CDH13: variants seen among roughly 807,000 people sequenced by gnomAD.
CDH13 encodes the protein cadherin-13.
CDH13 carries 24 observed loss-of-function variants against 63.8 expected under a neutral mutation model. The ratio of observed to expected loss-of-function variants is 0.38; its 90% CI spans 0.27 to 0.53. The LOEUF (loss-of-function observed/expected upper bound fraction) is 0.53. Ranked by LOEUF, CDH13 falls within the 20% of genes least tolerant of loss-of-function variation. The pLI, the probability that CDH13 is intolerant of heterozygous loss-of-function variation, is 0.85. For synonymous variants in CDH13, 503 were observed against 355.3 expected (o/e 1.42, Z -4.67); for missense variants, 1,049 against 903.1 (o/e 1.16, Z -2.07).
chr16:83,255,102 C>T (rs1039930287), intron 5 of CDH13, among the ~76,000 whole-genome samples: 1 of 152,140 alleles, frequency 6.6e-6, no homozygotes, highest in East Asian at 1.9e-4. Context: ...AGCAGGAATG[C>T]ACAAAACCTC....
chr16:82,887,055 C>T (rs2040912471), intron 2 of CDH13, among the ~76,000 whole-genome samples: 1 of 152,164 alleles, frequency 6.6e-6, no homozygotes, highest in African/African-American at 2.4e-5. Context: ...GTAGGTTTCT[C>T]ACCCTAGAAG....
intron 3 of CDH13, among the ~76,000 whole-genome samples, chr16:83,086,328 C>T (rs757854305): frequency 3.9e-5 from 6 of 152,190 alleles, no homozygotes; most frequent in African/African-American, 1.4e-4. Context: ...AATTCCAGAT[C>T]TACCATTTAT....
intron 6 of CDH13, among the ~76,000 whole-genome samples, chr16:83,392,267 G>C (rs988454355): frequency 6.6e-6 from 1 of 152,190 alleles, no homozygotes; most frequent in Non-Finnish European, 1.5e-5. Flanking sequence ...GTGCATGGAG[G>C]AGGTTAAATA....
At chr16:82,823,832 G>A (rs2038118719) in intron 1 of CDH13, 1 of 152,180 alleles carries the variant, frequency 6.6e-6, no homozygotes, top group Middle Eastern at 3.4e-3. Flanking sequence ...CTAGAGAATT[G>A]GAAGTGGGAT....
intron 5 of CDH13, among the ~76,000 whole-genome samples, chr16:83,272,083 T>C (rs1014205195): frequency 6.6e-6 from 1 of 152,250 alleles, no homozygotes; most frequent in African/African-American, 2.4e-5. Flanking sequence ...AACCAGTGTT[T>C]GGGTGCTTCT....
intron 7 of CDH13, among the ~76,000 whole-genome samples, chr16:83,532,716 C>T (rs2075107335): frequency 6.6e-6 from 1 of 152,244 alleles, no homozygotes; most frequent in Admixed American, 6.5e-5. Flanking sequence ...TGCAAGCAAT[C>T]ATTGGCCATC....
chr16:82,790,279 A>AT (rs2036234361), intron 1 of CDH13, among the ~76,000 whole-genome samples: 1 of 152,114 alleles, frequency 6.6e-6, no homozygotes, highest in Admixed American at 6.5e-5. Context: ...TACTAAAAAC[A>AT]CAAAAATTAG....
chr16:83,746,483 T>C lies in CDH13; in HGVS notation c.1539-1625T>C, dbSNP rs137885892. On this transcript the variant is annotated intron_variant, in intron 10 of 13. Transcript: ENST00000567109. ...TCAGCTCTGCAAAGTCTTTGCTCTATGAAGTAACATTCCCAAGTTCCAGGA... is the reference window on the plus strand; with the variant it reads ...TCAGCTCTGCAAAGTCTTTGCTCTACGAAGTAACATTCCCAAGTTCCAGGA... Among the ~76,000 whole-genome samples the C allele has an allele frequency of 8.6e-3, 1,310 of 152,292 alleles. 15 individuals are homozygous for C. Among genetic ancestry groups the C allele is most frequent in the Middle Eastern group, 0.031 (9 of 294 alleles).
At chr16:83,652,920 T>C (rs1446492358) in intron 8 of CDH13, among the ~76,000 whole-genome samples, 2 of 152,090 alleles carry the variant, frequency 1.3e-5, no homozygotes, top group African/African-American at 4.8e-5. Context: ...AACTGATAAA[T>C]GGAGAAACAA....
At chr16:83,762,337 G>A (rs1914040265) in intron 11 of CDH13, among the ~76,000 whole-genome samples, 1 of 152,074 alleles carries the variant, frequency 6.6e-6, no homozygotes, top group Non-Finnish European at 1.5e-5. Context: ...ACTCTTTTAT[G>A]GAAGACTTCA....
intron 8 of CDH13, among the ~76,000 whole-genome samples, chr16:83,647,234 C>T (rs945155820): frequency 2.7e-5 from 4 of 150,386 alleles, no homozygotes; most frequent in Admixed American, 1.3e-4. Flanking sequence ...GGCATGAACC[C>T]GGGAGGCGGA....
intron 2 of CDH13, among the ~76,000 whole-genome samples, chr16:83,011,464 C>T (rs758362321): frequency 3.3e-5 from 5 of 152,180 alleles, no homozygotes; most frequent in Admixed American, 6.5e-5. Context: ...AAAGCCCTTC[C>T]TCTCACATAT....
At chr16:83,367,590 G>A (rs1166997218) in intron 6 of CDH13, among the ~76,000 whole-genome samples, 1 of 152,162 alleles carries the variant, frequency 6.6e-6, no homozygotes, top group Admixed American at 6.5e-5. Flanking sequence ...CAAAGCAGCT[G>A]TTCCATTTTA....
In CDH13 at chr16:83,090,415, A is replaced by G. The variant is rs138806533; in HGVS notation, c.367-34970A>G. ...ATGGTGAGACCCTGTCTCTACTAAAAATACAAAAATGAGTTGGGCATGGTG... is the reference window on the plus strand; with the variant it reads ...ATGGTGAGACCCTGTCTCTACTAAAGATACAAAAATGAGTTGGGCATGGTG... On this transcript the variant is annotated intron_variant, in intron 3 of 13. Coordinates refer to ENST00000567109, the MANE Select transcript of CDH13 (RefSeq NM_001257.5). 6.5e-3 allele frequency among the ~76,000 whole-genome samples: 993 copies of G among 152,042 alleles called. 17 individuals carry two copies. The highest frequency in any genetic ancestry group is 0.021 in the African/African-American group (884 of 41,458).
chr16:83,355,653 G>C (rs1415689913), intron 6 of CDH13, among the ~76,000 whole-genome samples: 1 of 152,164 alleles, frequency 6.6e-6, no homozygotes. Flanking sequence ...CGTATACCAG[G>C]TATGCTGTTT....
chr16:83,128,410 A>G (rs373301975), intron 4 of CDH13, among the ~76,000 whole-genome samples: 13 of 152,296 alleles, frequency 8.5e-5, no homozygotes, highest in African/African-American at 3.1e-4. Context: ...GCGTTTTTAC[A>G]CAGCTTCTAG....
chr16:83,465,545 T>G (rs1430758741), intron 6 of CDH13, among the ~76,000 whole-genome samples: 1 of 152,162 alleles, frequency 6.6e-6, no homozygotes, highest in Non-Finnish European at 1.5e-5. Flanking sequence ...AAATAAAGAT[T>G]CAAGTCAATG....
At chr16:83,191,567 A>G (rs867623373) in intron 4 of CDH13, among the ~76,000 whole-genome samples, 1 of 145,142 alleles carries the variant, frequency 6.9e-6, no homozygotes, top group Non-Finnish European at 1.5e-5. Flanking sequence ...ACACACACAC[A>G]TATATATGAA....
chr16:83,004,830 A>G lies in CDH13; in HGVS notation c.158-27180A>G, dbSNP rs919428641. On this transcript the variant is annotated intron_variant, in intron 2 of 13. Coordinates refer to ENST00000567109, the MANE Select transcript of CDH13 (RefSeq NM_001257.5). ...TGTTTTGAAAAGGCTGTGGATTATC[A>G]TCTCACATTATGTCTCCAGCAAGTT... Among the ~76,000 whole-genome samples, 10 of 152,186 alleles carry G rather than the reference A, an allele frequency of 6.6e-5. 1 individual carries two copies. The highest frequency in any genetic ancestry group is 5.9e-4 in the Admixed American group (9 of 15,274).
Sources: allele counts gnomAD v4.1 joint callset (sites outside exome capture counted in the v4.1 genomes callset), GRCh38; gene constraint gnomAD v4.1.1; transcripts MANE v1.5; gene names NCBI Gene and HGNC (gene_info 2026-07-23, HGNC 2026-07-21).